Variants in PIK3CD observed in about 807,000 individuals in gnomAD.
PIK3CD encodes the protein phosphatidylinositol-4,5-bisphosphate 3-kinase catalytic subunit delta.
A neutral mutation model predicts 122.9 loss-of-function variants in PIK3CD; 20 were observed. The ratio of observed to expected loss-of-function variants is 0.16; its 90% CI spans 0.11 to 0.24. The LOEUF (loss-of-function observed/expected upper bound fraction) is 0.24. Among genes scored for constraint, PIK3CD ranks in the 10% least tolerant of loss-of-function variants. The pLI, the probability that PIK3CD is intolerant of heterozygous loss-of-function variation, is 1.00. For synonymous variants in PIK3CD, 596 were observed against 593.4 expected, an observed-to-expected ratio of 1.00 and a Z score of -0.06; for missense variants, 787 against 1,406.3, an observed-to-expected ratio of 0.56 and a Z score of 7.04.
Position 9,723,116 on chromosome 1 carries a change from CT to C in PIK3CD, c.2427-7del. On this transcript the variant is annotated splice_region_variant and splice_polypyrimidine_tract_variant and intron_variant, in intron 19 of 23. Transcript: ENST00000377346. The surrounding 1 kb of genome is among the most constrained non-coding windows in gnomAD (Gnocchi z 4.9). ...TGCCATTTGCCCGTCCCTCTTCCCC[CT>C]TGCCTAGGATGACCCCCTATGGCTG... 1.2e-6 allele frequency: 2 copies of C among 1,613,278 alleles called. No homozygotes were observed. Among genetic ancestry groups the C allele is most frequent in the Non-Finnish European group, 1.7e-6 (2 of 1,179,850 alleles).
chr1:9,630,749 G>T, the PIK3CD span, among the ~76,000 whole-genome samples: 1 of 141,888 alleles, frequency 7.0e-6, no homozygotes, highest in Admixed American at 7.1e-5. Context: ...TGCAGAAGAG[G>T]GCAGAAGGAA....
In PIK3CD at chr1:9,654,213, A is replaced by G. The variant is rs1644768760; in HGVS notation, c.-138+2411A>G. ...CACTACTCACTTAGATGTTTCTGGAATTAGGGCACGTGCCCCAGAGGTACT... is the reference window on the plus strand; with the variant it reads ...CACTACTCACTTAGATGTTTCTGGAGTTAGGGCACGTGCCCCAGAGGTACT... On this transcript the variant is annotated intron_variant, in intron 1 of 23. Coordinates refer to ENST00000377346, the MANE Select transcript of PIK3CD (RefSeq NM_005026.5). 3 of 1,367,396 alleles carry G rather than the reference A, an allele frequency of 2.2e-6. No individual in the cohort carries two copies. In the African/African-American group the frequency reaches 4.4e-5, roughly 20 times the overall value. 84.7% of individuals were successfully genotyped at this position (1,367,396 alleles called of 1,614,324 possible). A position where few individuals can be genotyped will look rare whatever the true frequency, so the allele number is the denominator to read the frequency against.
At position 9,718,505 on chromosome 1, in the gene PIK3CD, G is replaced by A. The variant is rs1232467839; in HGVS notation, c.1021-189G>A. Reference sequence around the variant, plus strand: ...GACAGGGCACCCATGCACAGCCCGTGGTACCCTCCCTCACCCCAGGGCCGC... The same window carrying A: ...GACAGGGCACCCATGCACAGCCCGTAGTACCCTCCCTCACCCCAGGGCCGC... On this transcript the variant is annotated intron_variant, in intron 8 of 23. Coordinates refer to ENST00000377346, the MANE Select transcript of PIK3CD (RefSeq NM_005026.5). The surrounding 1 kb of genome is among the most constrained non-coding windows in gnomAD (Gnocchi z 7.2). Among the ~76,000 whole-genome samples the A allele has an allele frequency of 6.6e-6, 1 of 152,040 alleles. No homozygotes were observed.
At position 9,723,006 on chromosome 1, in the gene PIK3CD, A is replaced by G. The variant is rs1648934106; in HGVS notation, c.2427-119A>G. 4 of 996,752 alleles carry G rather than the reference A, an allele frequency of 4.0e-6. No homozygotes were observed. The highest frequency in any genetic ancestry group is 6.4e-6 in the Non-Finnish European group (4 of 626,150). The allele number at this position is 996,752 out of a possible 1,614,324, so 61.7% of individuals were successfully genotyped here. On this transcript the variant is annotated intron_variant, in intron 19 of 23. Coordinates refer to ENST00000377346, the MANE Select transcript of PIK3CD (RefSeq NM_005026.5). The surrounding 1 kb of genome is among the most constrained non-coding windows in gnomAD (Gnocchi z 4.9). ...CAGCATCTCTCACCTGCTTTTTAGC[A>G]ATGTGGGCAGCAGCATCTTCTGTGG...
chr1:9,687,852 G>A (rs1646031241), intron 1 of PIK3CD, among the ~76,000 whole-genome samples: 1 of 152,144 alleles, frequency 6.6e-6, no homozygotes, highest in Non-Finnish European at 1.5e-5. Flanking sequence ...GGGAAGAGGA[G>A]TGTCCCCTCC....
rs75885847 is a variant in PIK3CD, at chr1:9,721,384, G to A, written c.1812-60G>A. ...GCCTGGCCTCCCTCTGGCTGCCGAG[G>A]GAGCTCCCTCCTGTCCTGAGTCGGG... On this transcript the variant is annotated intron_variant, in intron 14 of 23. Transcript: ENST00000377346. 1,959 of 1,610,306 alleles carry A rather than the reference G, an allele frequency of 1.2e-3. 42 individuals carry two copies. In the East Asian group the frequency reaches 0.038, roughly 31 times the overall value.
chr1:9,726,190 GTGA>G (rs1160520946), intron 23 of PIK3CD, among the ~76,000 whole-genome samples: 109 of 152,084 alleles, frequency 7.2e-4, no homozygotes, highest in Non-Finnish European at 1.3e-3. Flanking sequence ...TCCAGCTCGG[GTGA>G]CAGAGCAAGA....
At chr1:9,677,130 G>A (rs1570165140) in intron 1 of PIK3CD, among the ~76,000 whole-genome samples, 1 of 152,156 alleles carries the variant, frequency 6.6e-6, no homozygotes, top group South Asian at 2.1e-4. Flanking sequence ...GGTAGGGAAG[G>A]AGGGCCTGAG....
At chr1:9,686,314 C>A (rs1246207704) in intron 1 of PIK3CD, among the ~76,000 whole-genome samples, 1 of 152,062 alleles carries the variant, frequency 6.6e-6, no homozygotes, top group Non-Finnish European at 1.5e-5. Context: ...CTCCCTTGGC[C>A]TCCTAAGTAG....
chr1:9,672,461 C>T (rs1347127211), intron 1 of PIK3CD: 2 of 152,178 alleles, frequency 1.3e-5, no homozygotes, highest in African/African-American at 4.8e-5. Context: ...CAGGGTCTAG[C>T]TCTGTCTCCT....
intron 3 of PIK3CD, among the ~76,000 whole-genome samples, chr1:9,711,917 G>A (rs1366495812): frequency 6.7e-6 from 1 of 150,356 alleles, no homozygotes; most frequent in Non-Finnish European, 1.5e-5. Flanking sequence ...TTTTTTTTGA[G>A]ATGGAGTCCC....
chr1:9,671,136 G>A (rs528207979), intron 1 of PIK3CD, among the ~76,000 whole-genome samples: 21 of 152,064 alleles, frequency 1.4e-4, no homozygotes, highest in African/African-American at 4.6e-4. Context: ...GTCTCACTCC[G>A]TCGCCCAGGC....
In PIK3CD at chr1:9,689,222, C is replaced by A. The variant is rs1646092332; in HGVS notation, c.-137-2245C>A. Among the ~76,000 whole-genome samples the A allele has an allele frequency of 6.6e-6, 1 of 152,212 alleles. No individual in the cohort carries two copies. Among genetic ancestry groups the A allele is most frequent in the African/African-American group, 2.4e-5 (1 of 41,464 alleles). Reference sequence around the variant, plus strand: ...TCTATTTATTGATTGTAAGGTGAAACCTAGGCCAGAGCCAGCGTGCGCGCG... The same window carrying A: ...TCTATTTATTGATTGTAAGGTGAAAACTAGGCCAGAGCCAGCGTGCGCGCG... On this transcript the variant is annotated intron_variant, in intron 1 of 23. Transcript: ENST00000377346. The surrounding 1 kb of genome is among the most constrained non-coding windows in gnomAD (Gnocchi z 6.1).
chr1:9,632,314 T>C, the PIK3CD span, among the ~76,000 whole-genome samples: 1 of 152,112 alleles, frequency 6.6e-6, no homozygotes, highest in Non-Finnish European at 1.5e-5. Context: ...ACCTGGCTTC[T>C]TCTTTCTTTT....
At chr1:9,668,651 A>G (rs1158882791) in intron 1 of PIK3CD, among the ~76,000 whole-genome samples, 2 of 151,994 alleles carry the variant, frequency 1.3e-5, no homozygotes, top group Admixed American at 6.6e-5. Flanking sequence ...TTCTTATTAT[A>G]TATTAATATA....
the PIK3CD span, among the ~76,000 whole-genome samples, chr1:9,642,585 C>T: frequency 2.0e-5 from 3 of 150,028 alleles, no homozygotes; most frequent in South Asian, 2.1e-4. Flanking sequence ...GGCGCAGTGG[C>T]GGGTGCCTGT....
At chr1:9,726,808 TA>T in intron 23 of PIK3CD, 100 bp from the exon 24 acceptor site, 1 of 1,450,710 alleles carries the variant, frequency 6.9e-7, no homozygotes, top group Non-Finnish European at 9.6e-7. Context: ...AGCTCTCTAC[TA>T]ACCATTTCAT....
At chr1:9,680,777 A>G (rs1027411406) in intron 1 of PIK3CD, 2 of 152,280 alleles carry the variant, frequency 1.3e-5, no homozygotes, top group African/African-American at 2.4e-5. Context: ...CCACAGCAGG[A>G]ACGCGGCAGC....
chr1:9,699,153 T>A (rs1445593403), intron 2 of PIK3CD, among the ~76,000 whole-genome samples: 2 of 151,966 alleles, frequency 1.3e-5, no homozygotes, highest in Non-Finnish European at 2.9e-5. Flanking sequence ...AAGGCTACAG[T>A]GAGCTATGAT....
Sources: allele counts gnomAD v4.1 joint callset (sites outside exome capture counted in the v4.1 genomes callset), GRCh38; gene constraint gnomAD v4.1.1; non-coding constraint Gnocchi (gnomAD v3.1); transcripts MANE v1.5; gene names NCBI Gene and HGNC (gene_info 2026-07-23, HGNC 2026-07-21).